RPGRIP1: variants seen among roughly 807,000 people sequenced by gnomAD.
RPGRIP1 encodes the protein RPGR interacting protein 1, also known as X-linked retinitis pigmentosa GTPase regulator-interacting protein 1.
RPGRIP1 carries 128 observed loss-of-function variants against 157.9 expected under a neutral mutation model. That is an observed-to-expected ratio of 0.81 (90% CI 0.70 to 0.94). RPGRIP1 has a LOEUF of 0.94. RPGRIP1 is among the 40% of genes least tolerant of loss of function. The probability of loss-of-function intolerance (pLI) is 0.00; values close to 1 mark genes in which losing one functional copy is unlikely to be tolerated. For synonymous variants in RPGRIP1, 554 were observed against 571.6 expected (o/e 0.97, Z 0.44); for missense variants, 1,486 against 1,545.8 (o/e 0.96, Z 0.65).
chr14:21,307,661 A>G (rs1306843875), intron 6 of RPGRIP1, 70 bp from the exon 7 acceptor site: 2 of 974,154 alleles, frequency 2.1e-6, no homozygotes. Flanking sequence ...TTACTAGGGC[A>G]TAGTCAAGGA....
chr14:21,317,419 ATGG>A (rs1307532178), intron 10 of RPGRIP1: 34 of 636,182 alleles, frequency 5.3e-5, no homozygotes, highest in Non-Finnish European at 8.6e-5. Flanking sequence ...GAAAGCCATC[ATGG>A]TGGAGAAGTT....
chr14:21,323,484 C>G (rs531638365), intron 14 of RPGRIP1, among the ~76,000 whole-genome samples: 1 of 151,680 alleles, frequency 6.6e-6, no homozygotes, highest in African/African-American at 2.4e-5. Context: ...TTATCCATGT[C>G]AGCGTGAGTC....
In RPGRIP1 at chr14:21,330,414, T is replaced by A. The variant is rs1883620911; in HGVS notation, c.3238+27T>A. On this transcript the variant is annotated intron_variant, in intron 20 of 24. Transcript: ENST00000400017. The stretch of plus-strand genomic sequence containing the variant: ...TATTGTCTTTTAAAATCTATTTTTT[T>A]TCCTAGCACTTTGGGAGGCCGAGGT... The A allele has an allele frequency of 3.5e-6, 5 of 1,430,726 alleles. No individual in the cohort carries two copies. In the Admixed American group the frequency reaches 1.2e-4, roughly 34 times the overall value. The allele number at this position is 1,430,726 out of a possible 1,614,324, so 88.6% of individuals were successfully genotyped here.
intron 1 of RPGRIP1, among the ~76,000 whole-genome samples, chr14:21,280,384 A>G (rs1252504042): frequency 2.0e-5 from 3 of 151,480 alleles, no homozygotes; most frequent in East Asian, 1.9e-4. Context: ...GCTGGGGACT[A>G]CAGGCATGCG....
chr14:21,348,136 ATC>A (rs1885751129), intron 23 of RPGRIP1, 34 bp from the exon 24 acceptor site: 6 of 1,495,636 alleles, frequency 4.0e-6, no homozygotes, highest in Non-Finnish European at 5.4e-6. Flanking sequence ...CATTAAGAGT[ATC>A]AACAGTGCTG....
intron 14 of RPGRIP1, 76 bp downstream of exon 14, chr14:21,322,080 G>T (rs1882554639): frequency 1.6e-6 from 2 of 1,261,696 alleles, no homozygotes; most frequent in African/African-American, 3.0e-5. Flanking sequence ...CTGTGTACTT[G>T]TCAAGAAGGG....
intron 22 of RPGRIP1, among the ~76,000 whole-genome samples, chr14:21,344,364 C>G (rs565050134): frequency 6.6e-6 from 1 of 152,026 alleles, no homozygotes; most frequent in Non-Finnish European, 1.5e-5. Flanking sequence ...GTCAAATTAT[C>G]TACTCATCTA....
chr14:21,344,729 T>C (rs1335028148), intron 22 of RPGRIP1, among the ~76,000 whole-genome samples: 1 of 152,170 alleles, frequency 6.6e-6, no homozygotes, highest in Non-Finnish European at 1.5e-5. Flanking sequence ...GCAGATTACT[T>C]GAGGTCAGAA....
chr14:21,292,919 G>A (rs1263627505), intron 2 of RPGRIP1, among the ~76,000 whole-genome samples: 1 of 151,806 alleles, frequency 6.6e-6, no homozygotes, highest in East Asian at 1.9e-4. Context: ...GGCCGAGGCG[G>A]GTGGATCACG....
intron 5 of RPGRIP1, 34 bp downstream of exon 5, chr14:21,302,618 C>T: frequency 7.9e-7 from 1 of 1,271,542 alleles, no homozygotes; most frequent in Non-Finnish European, 1.1e-6. Context: ...TGTTGTTATT[C>T]CTGCCACTTT....
intron 21 of RPGRIP1, among the ~76,000 whole-genome samples, chr14:21,336,083 G>A (rs976610671): frequency 3.9e-5 from 6 of 152,188 alleles, no homozygotes; most frequent in African/African-American, 1.4e-4. Flanking sequence ...TCTGTTGTAA[G>A]AAATCAGAAA....
At chr14:21,337,693 C>T (rs919679790) in intron 21 of RPGRIP1, among the ~76,000 whole-genome samples, 12 of 150,808 alleles carry the variant, frequency 8.0e-5, no homozygotes, top group African/African-American at 1.5e-4. Flanking sequence ...CCACCCACCT[C>T]GGCCTCCCAA....
chr14:21,336,512 G>GTGAC (rs1393295476), intron 21 of RPGRIP1, among the ~76,000 whole-genome samples: 2 of 152,186 alleles, frequency 1.3e-5, no homozygotes, highest in Non-Finnish European at 1.5e-5. Context: ...TCTAGCTTAG[G>GTGAC]TGACAGAGAG....
At chr14:21,284,014 G>T (rs1207332052) in intron 1 of RPGRIP1, among the ~76,000 whole-genome samples, 1 of 152,184 alleles carries the variant, frequency 6.6e-6, no homozygotes, top group Non-Finnish European at 1.5e-5. Flanking sequence ...AAATAGGCAT[G>T]CTATGAAATC....
intron 10 of RPGRIP1, among the ~76,000 whole-genome samples, chr14:21,314,883 C>T (rs1002842342): frequency 6.6e-6 from 1 of 151,832 alleles, no homozygotes; most frequent in African/African-American, 2.4e-5. Flanking sequence ...ATTAGCTGGG[C>T]GTGGTGGCAG....
At chr14:21,346,381 C>T (rs936946920) in intron 23 of RPGRIP1, among the ~76,000 whole-genome samples, 2 of 152,104 alleles carry the variant, frequency 1.3e-5, no homozygotes, top group South Asian at 4.1e-4. Context: ...GAAACCCCAT[C>T]TCTACTAAAA....
intron 2 of RPGRIP1, among the ~76,000 whole-genome samples, chr14:21,292,190 C>A (rs1406826630): frequency 6.6e-6 from 1 of 152,144 alleles, no homozygotes; most frequent in African/African-American, 2.4e-5. Context: ...CCGCGTCTGG[C>A]CTAAATATTT....
At chr14:21,314,760 G>A (rs1293256186) in intron 10 of RPGRIP1, among the ~76,000 whole-genome samples, 1 of 150,682 alleles carries the variant, frequency 6.6e-6, no homozygotes, top group African/African-American at 2.4e-5. Context: ...AGTGGCTCAT[G>A]CCTGTACTTC....
rs757884304 is a variant in RPGRIP1 at position 21,325,929 on chromosome 14, A to G, written c.2466A>G (p.Pro822=). The change falls in exon 17 of 25, where the codon CCA becomes CCG. Residue 822 remains proline (P), a synonymous_variant. Transcript: ENST00000400017. ...RSRWLGTQPS[P]YAVYRFFTFS... The stretch of plus-strand genomic sequence containing the variant: ...GATGGCTGGGAACTCAACCCAGTCC[A>G]TATGCTGTGTACCGCTTCTTCACCT... 29 of 1,613,848 alleles carry G rather than the reference A, an allele frequency of 1.8e-5. No homozygotes were observed. Among genetic ancestry groups the G allele is most frequent in the Admixed American group, 1.2e-4 (7 of 59,980 alleles).
Sources: gnomAD v4.1 joint callset for allele counts (sites outside exome capture counted in the v4.1 genomes callset) on GRCh38, gnomAD v4.1.1 for gene constraint, MANE v1.5 for transcripts, NCBI Gene and HGNC (gene_info 2026-07-23, HGNC 2026-07-21) for gene names.